RIMS2: variants seen among roughly 807,000 people sequenced by gnomAD.
RIMS2 encodes the protein regulating synaptic membrane exocytosis 2.
In RIMS2, 59 loss-of-function variants were observed where a neutral mutation model predicts 174.4. That is an observed-to-expected ratio of 0.34 (90% CI 0.27 to 0.42). The LOEUF (loss-of-function observed/expected upper bound fraction) is 0.42, where lower values mean the gene tolerates loss of function less well. Ranked by LOEUF, RIMS2 falls within the 10% of genes least tolerant of loss-of-function variation. RIMS2 has a pLI of 1.00. For missense variants in RIMS2, 1,620 were observed against 1,666.3 expected, an observed-to-expected ratio of 0.97 and a Z score of 0.48; for synonymous variants, 606 against 572.5, an observed-to-expected ratio of 1.06 and a Z score of -0.84.
chr8:104,138,471 C>T (rs1294283059), intron 19 of RIMS2, among the ~76,000 whole-genome samples: 1 of 152,042 alleles, frequency 6.6e-6, no homozygotes, highest in East Asian at 1.9e-4. Context: ...CCATTTTAAC[C>T]AGGGTGAAAT....
At chr8:104,208,788 A>G (rs2099092454) in intron 19 of RIMS2, among the ~76,000 whole-genome samples, 1 of 152,102 alleles carries the variant, frequency 6.6e-6, no homozygotes, top group Non-Finnish European at 1.5e-5. Context: ...GAGGCTTGAA[A>G]AACCTCCCAA....
At chr8:103,806,910 T>G (rs13269655) in intron 3 of RIMS2, among the ~76,000 whole-genome samples, 19,888 of 151,778 alleles carry the variant, frequency 0.13, 1,761 homozygotes, top group Non-Finnish European at 0.2. Flanking sequence ...AGAAAAAAAA[T>G]GGGAGGAACA....
chr8:104,045,418 A>G (rs756419164), intron 19 of RIMS2, among the ~76,000 whole-genome samples: 20 of 151,920 alleles, frequency 1.3e-4, no homozygotes, highest in Non-Finnish European at 2.4e-4. Context: ...TCTTACTCAT[A>G]TGAAATTTCA....
chr8:103,612,737 C>T (rs931602255), intron 1 of RIMS2, among the ~76,000 whole-genome samples: 1 of 152,142 alleles, frequency 6.6e-6, no homozygotes, highest in Non-Finnish European at 1.5e-5. Context: ...TGCCACCATG[C>T]CTGGCTGATT....
intron 1 of RIMS2, among the ~76,000 whole-genome samples, chr8:103,607,941 T>C (rs2095196140): frequency 1.4e-5 from 2 of 143,476 alleles, no homozygotes; most frequent in African/African-American, 2.7e-5. Flanking sequence ...TTGCCTTTGG[T>C]CTGAATGTCC....
intron 1 of RIMS2, among the ~76,000 whole-genome samples, chr8:103,552,950 G>T (rs1848707185): frequency 6.6e-6 from 1 of 152,104 alleles, no homozygotes; most frequent in South Asian, 2.1e-4. Flanking sequence ...GAAACAACAG[G>T]TGCTGGAGAG....
intron 3 of RIMS2, among the ~76,000 whole-genome samples, chr8:103,841,883 A>C (rs2098941746): frequency 6.6e-6 from 1 of 152,138 alleles, no homozygotes; most frequent in Non-Finnish European, 1.5e-5. Flanking sequence ...AGAACCCGGG[A>C]GGCAGAGGTT....
chr8:103,910,867 CTTAT>C (rs1211867243), intron 5 of RIMS2, among the ~76,000 whole-genome samples: 4 of 152,054 alleles, frequency 2.6e-5, no homozygotes, highest in Non-Finnish European at 5.9e-5. Context: ...TTTGGATTGG[CTTAT>C]TTGATTGTTT....
chr8:103,936,769 T>TAGCATAA, intron 13 of RIMS2, 47 bp downstream of exon 15: 1 of 1,350,640 alleles, frequency 7.4e-7, no homozygotes, highest in Non-Finnish European at 1.0e-6. Context: ...TTATCCTGAA[T>TAGCATAA]ACTTTTATTT....
chr8:103,775,724 AC>A (rs1415375647), intron 3 of RIMS2, among the ~76,000 whole-genome samples: 1 of 152,172 alleles, frequency 6.6e-6, no homozygotes, highest in African/African-American at 2.4e-5. Flanking sequence ...TGCTTAATAG[AC>A]TTCTATTTTC....
At chr8:103,918,373 T>C in intron 8 of RIMS2, 68 bp from the exon 12 acceptor site, 3 of 959,770 alleles carry the variant, frequency 3.1e-6, no homozygotes, top group South Asian at 3.5e-5. Context: ...TTGATAATAA[T>C]AAAAAATATG....
Position 104,223,632 on chromosome 8 carries a change from A to G in RIMS2, c.3335-21284A>G, listed in dbSNP as rs536634086. 77 of 1,584,860 alleles carry G rather than the reference A, an allele frequency of 4.9e-5. No individual in the cohort carries two copies. The Admixed American group carries it at 1.3e-3, about 26-fold the overall frequency. On this transcript the variant is annotated intron_variant, in intron 19 of 23. Coordinates refer to ENST00000504942, the Ensembl canonical transcript of RIMS2. ...ACGCCGCGTATCTTGTACCGCGGGA[A>G]AAGCGGGTCCTCGTCCAAGATGGGC...
chr8:103,731,112 A>C (rs539526156), intron 2 of RIMS2, among the ~76,000 whole-genome samples: 170 of 152,264 alleles, frequency 1.1e-3, no homozygotes, highest in Middle Eastern at 3.4e-3. Flanking sequence ...GACCCACCGC[A>C]TGATTCAATT....
chr8:103,580,581 G>A (rs1450365199), intron 1 of RIMS2, among the ~76,000 whole-genome samples: 3 of 152,062 alleles, frequency 2.0e-5, no homozygotes, highest in Non-Finnish European at 4.4e-5. Context: ...AATCTAATGG[G>A]AGAGATAGAC....
intron 19 of RIMS2, among the ~76,000 whole-genome samples, chr8:104,034,462 CTTTTTTTTTTTT>C (rs200907072): frequency 5.4e-4 from 64 of 118,376 alleles, no homozygotes; most frequent in East Asian, 1.6e-3. Flanking sequence ...CTTGCAGTAT[CTTTTTTTTTTTT>C]TTTTTTTTTT....
At chr8:103,766,185 T>C in intron 2 of RIMS2, 42 bp from the exon 6 acceptor site, 2 of 1,411,484 alleles carry the variant, frequency 1.4e-6, no homozygotes, top group Non-Finnish European at 1.9e-6. Flanking sequence ...GTTTTTAACT[T>C]TTGGGAACAC....
At chr8:103,852,083 C>T (rs1288979555) in intron 3 of RIMS2, among the ~76,000 whole-genome samples, 1 of 151,946 alleles carries the variant, frequency 6.6e-6, no homozygotes, top group African/African-American at 2.4e-5. Flanking sequence ...TCCCCGAAAA[C>T]ATTACTTAGA....
chr8:103,538,536 A>C (rs1840962855), intron 1 of RIMS2, among the ~76,000 whole-genome samples: 1 of 141,330 alleles, frequency 7.1e-6, no homozygotes, highest in African/African-American at 2.6e-5. Flanking sequence ...TTTTTTTTGG[A>C]GATGGAGTCT....
At chr8:103,771,577 C>A (rs539372491) in intron 3 of RIMS2, among the ~76,000 whole-genome samples, 1 of 152,192 alleles carries the variant, frequency 6.6e-6, no homozygotes, top group African/African-American at 2.4e-5. Context: ...CTGTTCTCAC[C>A]TTTTCCCCAT....
Sources: gnomAD v4.1 joint callset for allele counts (sites outside exome capture counted in the v4.1 genomes callset) on GRCh38, gnomAD v4.1.1 for gene constraint, MANE v1.5 for transcripts, NCBI Gene and HGNC (gene_info 2026-07-23, HGNC 2026-07-21) for gene names.